Variants in ZSWIM5 observed in about 807,000 individuals in gnomAD.
ZSWIM5 encodes zinc finger SWIM-type containing 5.
In ZSWIM5, 55 loss-of-function variants were observed where a neutral mutation model predicts 119.6. That is an observed-to-expected ratio of 0.46 (90% CI 0.37 to 0.58). The LOEUF is 0.58. ZSWIM5 is among the 20% of genes least tolerant of loss of function. The pLI is 0.00. For synonymous variants in ZSWIM5, 537 were observed against 606.9 expected (o/e 0.88, Z 1.69); for missense variants, 1,193 against 1,512.8 (o/e 0.79, Z 3.51).
At chr1:45,094,023 ATATTTATTTATTTATTTATTTATT>A (rs66921356) in intron 1 of ZSWIM5, among the ~76,000 whole-genome samples, 2 of 134,372 alleles carry the variant, frequency 1.5e-5, no homozygotes, top group Non-Finnish European at 3.1e-5. Flanking sequence ...TTTTATTTTT[ATATTTATTTATTTATTTATTTATT>A]TATTTATTTA....
chr1:45,139,694 A>ATT (rs774168631), intron 1 of ZSWIM5, among the ~76,000 whole-genome samples: 116 of 67,312 alleles, frequency 1.7e-3, no homozygotes, highest in East Asian at 3.0e-3. Context: ...GCTTTCTTCG[A>ATT]TTTTTTTTTT....
intron 1 of ZSWIM5, among the ~76,000 whole-genome samples, chr1:45,187,276 T>C (rs1249699187): frequency 1.3e-5 from 2 of 152,076 alleles, no homozygotes; most frequent in African/African-American, 4.8e-5. Flanking sequence ...TGGAATAGAA[T>C]TGAGAGTCCT....
chr1:45,202,027 T>C (rs1646161328), intron 1 of ZSWIM5, among the ~76,000 whole-genome samples: 1 of 151,964 alleles, frequency 6.6e-6, no homozygotes, highest in South Asian at 2.1e-4. Context: ...AGAGAACTCA[T>C]TGATCAGAAA....
At chr1:45,046,356 G>A (rs1645054252) in intron 5 of ZSWIM5, among the ~76,000 whole-genome samples, 1 of 152,188 alleles carries the variant, frequency 6.6e-6, no homozygotes, top group Non-Finnish European at 1.5e-5. Context: ...ATGATGAGCA[G>A]TAGTTGGATT....
intron 11 of ZSWIM5, among the ~76,000 whole-genome samples, chr1:45,031,722 C>A (rs1328647303): frequency 6.6e-6 from 1 of 151,804 alleles, no homozygotes; most frequent in Non-Finnish European, 1.5e-5. Context: ...CACCCGTAGT[C>A]CCAGCTACTC....
intron 1 of ZSWIM5, among the ~76,000 whole-genome samples, chr1:45,143,224 C>T (rs1171424850): frequency 6.7e-6 from 1 of 149,660 alleles, no homozygotes; most frequent in Non-Finnish European, 1.5e-5. Context: ...CAATATTTTT[C>T]ATGAACATAG....
chr1:45,183,614 C>G (rs953465431), intron 1 of ZSWIM5, among the ~76,000 whole-genome samples: 3 of 152,168 alleles, frequency 2.0e-5, no homozygotes, highest in African/African-American at 7.2e-5. Flanking sequence ...GAGAATACTA[C>G]AAACACCTCT....
In ZSWIM5 at chr1:45,206,409, C is replaced by A; in HGVS notation, c.-59G>T. 1 of 1,318,252 alleles carries A rather than the reference C, an allele frequency of 7.6e-7. No individual in the cohort carries two copies. Among genetic ancestry groups the A allele is most frequent in the African/African-American group, 1.5e-5 (1 of 64,858 alleles). 81.7% of individuals were successfully genotyped at this position (1,318,252 alleles called of 1,614,324 possible). ...CGGCTGCTCGGGCTGCGGCGGAGAC[C>A]CTGGCCACGGCCACGCGCCCCGCGC... On this transcript the variant is annotated 5_prime_UTR_variant, in exon 1 of 14. Transcript: ENST00000359600.
intron 2 of ZSWIM5, 33 bp from the exon 3 acceptor site, chr1:45,060,280 C>A: frequency 6.2e-7 from 1 of 1,606,194 alleles, no homozygotes; most frequent in Non-Finnish European, 8.5e-7. Flanking sequence ...AATGAATCAC[C>A]TGAGTTCACA....
intron 2 of ZSWIM5, among the ~76,000 whole-genome samples, chr1:45,082,947 G>A (rs1645302863): frequency 6.6e-6 from 1 of 152,138 alleles, no homozygotes; most frequent in African/African-American, 2.4e-5. Flanking sequence ...AATAATTCTG[G>A]GGGAAAAGAT....
At chr1:45,028,844 A>T (rs1644935369) in intron 11 of ZSWIM5, among the ~76,000 whole-genome samples, 1 of 152,216 alleles carries the variant, frequency 6.6e-6, no homozygotes, top group Non-Finnish European at 1.5e-5. Context: ...GCATTTTGGG[A>T]GCCCAAGGTG....
intron 1 of ZSWIM5, among the ~76,000 whole-genome samples, chr1:45,139,490 T>G (rs1645714122): frequency 7.0e-6 from 1 of 143,270 alleles, no homozygotes; most frequent in Non-Finnish European, 1.5e-5. Context: ...TTTTTTTTTT[T>G]GTAGAGACAG....
chr1:45,159,226 T>C (rs1043914064), intron 1 of ZSWIM5, among the ~76,000 whole-genome samples: 9 of 152,170 alleles, frequency 5.9e-5, no homozygotes, highest in East Asian at 5.8e-4. Context: ...ATAAGAGCTA[T>C]ATTATATAAT....
rs572479836 is a variant in ZSWIM5 at position 45,091,677 on chromosome 1, A to C, written c.596-3440T>G. 8.5e-5 allele frequency among the ~76,000 whole-genome samples: 13 copies of C among 152,178 alleles called. No homozygotes were observed. The South Asian group carries it at 2.7e-3, about 32-fold the overall frequency. On this transcript the variant is annotated intron_variant, in intron 1 of 13. Transcript: ENST00000359600. ...ATTCTGTCTCAAAATAAAAACAAAC[A>C]AACAAAAAACAACCAACCAACCAAA...
chr1:45,158,774 T>G (rs957436553), intron 1 of ZSWIM5, among the ~76,000 whole-genome samples: 1 of 152,264 alleles, frequency 6.6e-6, no homozygotes, highest in Middle Eastern at 3.4e-3. Context: ...ACTGCAAAAC[T>G]CTAAAAATTT....
chr1:45,097,160 G>A (rs1027004048), intron 1 of ZSWIM5, among the ~76,000 whole-genome samples: 16 of 152,170 alleles, frequency 1.1e-4, no homozygotes, highest in Admixed American at 8.5e-4. Flanking sequence ...TGAGGACACG[G>A]GAATTGACTG....
chr1:45,091,591 G>T (rs937316192), intron 1 of ZSWIM5, among the ~76,000 whole-genome samples: 7 of 152,094 alleles, frequency 4.6e-5, no homozygotes, highest in African/African-American at 1.7e-4. Context: ...GAGCCCAGGA[G>T]GTTGAGGCTG....
At chr1:45,100,038 T>C (rs1645428882) in intron 1 of ZSWIM5, among the ~76,000 whole-genome samples, 1 of 152,174 alleles carries the variant, frequency 6.6e-6, no homozygotes, top group Non-Finnish European at 1.5e-5. Flanking sequence ...GTATTGGAAG[T>C]TCTGGCCAGG....
chr1:45,118,972 G>T (rs982874580), intron 1 of ZSWIM5, among the ~76,000 whole-genome samples: 3 of 151,982 alleles, frequency 2.0e-5, no homozygotes, highest in African/African-American at 4.8e-5. Flanking sequence ...TACAATAAAA[G>T]AATTAAAATG....
Sources: allele counts gnomAD v4.1 joint callset (sites outside exome capture counted in the v4.1 genomes callset), GRCh38; gene constraint gnomAD v4.1.1; transcripts MANE v1.5; gene names NCBI Gene and HGNC (gene_info 2026-07-23, HGNC 2026-07-21).